TSNARE1: variants seen among roughly 807,000 people sequenced by gnomAD.
TSNARE1 encodes the protein t-SNARE domain containing 1.
A neutral mutation model predicts 62.0 loss-of-function variants in TSNARE1; 49 were observed. The ratio of observed to expected loss-of-function variants is 0.79; its 90% CI spans 0.63 to 1.00. TSNARE1 has a LOEUF of 1.00. TSNARE1 is among the 50% of genes least tolerant of loss of function. TSNARE1 has a pLI of 0.00. For synonymous variants in TSNARE1, 328 were observed against 294.4 expected, an observed-to-expected ratio of 1.11 and a Z score of -1.17; for missense variants, 755 against 700.1, an observed-to-expected ratio of 1.08 and a Z score of -0.88.
intron 1 of TSNARE1, among the ~76,000 whole-genome samples, chr8:142,392,534 C>T (rs922850524): frequency 6.6e-6 from 1 of 152,336 alleles, no homozygotes; most frequent in African/African-American, 2.4e-5. Flanking sequence ...CAGGACATCA[C>T]CAGGTGACGG....
chr8:142,369,425 A>C (rs533049985), intron 1 of TSNARE1, among the ~76,000 whole-genome samples: 1 of 152,352 alleles, frequency 6.6e-6, no homozygotes, highest in Admixed American at 6.5e-5. Context: ...AATTGAAGTC[A>C]AAATCAATCA....
upstream of TSNARE1, chr8:142,403,356 T>A (rs1030727142): frequency 2.6e-5 from 4 of 151,902 alleles, no homozygotes; most frequent in African/African-American, 9.7e-5. Flanking sequence ...GCGAGTCGGC[T>A]GTCCTCACTT....
chr8:142,256,241 TCAC>T (rs1818537863), intron 12 of TSNARE1, among the ~76,000 whole-genome samples: 1 of 42,180 alleles, frequency 2.4e-5, no homozygotes, highest in Non-Finnish European at 4.8e-5. Flanking sequence ...ACCACCACCA[TCAC>T]CATCACCATC....
At chr8:142,299,122 C>T (rs1586649624) in intron 10 of TSNARE1, among the ~76,000 whole-genome samples, 1 of 152,166 alleles carries the variant, frequency 6.6e-6, no homozygotes, top group African/African-American at 2.4e-5. Context: ...ACAGAGGAGG[C>T]GGGGGCCCCA....
At chr8:142,280,601 G>C (rs190142804) in intron 11 of TSNARE1, among the ~76,000 whole-genome samples, 249 of 152,294 alleles carry the variant, frequency 1.6e-3, no homozygotes, top group African/African-American at 5.8e-3. Flanking sequence ...CCCCACGACT[G>C]CTCCCTTCCC....
intron 7 of TSNARE1, among the ~76,000 whole-genome samples, chr8:142,317,832 C>A (rs1234548087): frequency 1.3e-5 from 2 of 152,174 alleles, no homozygotes; most frequent in African/African-American, 4.8e-5. Context: ...GTGACGGGCG[C>A]CTGTAATCTC....
intron 1 of TSNARE1, among the ~76,000 whole-genome samples, chr8:142,363,242 C>A (rs1360982808): frequency 6.6e-6 from 1 of 152,158 alleles, no homozygotes; most frequent in East Asian, 1.9e-4. Flanking sequence ...GTGAGGAAAG[C>A]GGGGAGCCTC....
At chr8:142,314,212 G>T (rs1390361507) in intron 9 of TSNARE1, among the ~76,000 whole-genome samples, 172 bp downstream of exon 9, 1 of 152,248 alleles carries the variant, frequency 6.6e-6, no homozygotes, top group South Asian at 2.1e-4. Flanking sequence ...GTCAGGCACT[G>T]TGCCAGGGCC....
chr8:142,395,579 G>A (rs780625624), intron 1 of TSNARE1, among the ~76,000 whole-genome samples: 13 of 151,886 alleles, frequency 8.6e-5, no homozygotes, highest in South Asian at 2.1e-4. Flanking sequence ...GCCAGGGGGC[G>A]GCACCGCCGG....
Position 142,403,088 on chromosome 8 carries a change from A to ACCGCCG in TSNARE1, c.-40+10_-40+15dup, listed in dbSNP as rs1286947163. 6.8e-6 allele frequency: 1 copy of ACCGCCG among 146,414 alleles called. No homozygotes were observed. The highest frequency in any genetic ancestry group is 2.0e-4 in the East Asian group (1 of 5,006). The allele number at this position is 146,414 out of a possible 1,614,324, so 9.1% of individuals were successfully genotyped here. On this transcript the variant is annotated intron_variant, in intron 1 of 13. Transcript: ENST00000524325. ...CCGGCCCCGGCCAGGCCCCAGCCCC[A>ACCGCCG]CCGCCGCCGCCTCACCTGGGCCTCG...
At chr8:142,248,477 T>C (rs1818000243) in intron 12 of TSNARE1, among the ~76,000 whole-genome samples, 1 of 151,938 alleles carries the variant, frequency 6.6e-6, no homozygotes, top group South Asian at 2.1e-4. Context: ...TAAAGATTGC[T>C]CTTGCCTCAC....
intron 1 of TSNARE1, chr8:142,402,840 G>T (rs1047842271): frequency 6.6e-6 from 1 of 152,232 alleles, no homozygotes; most frequent in Non-Finnish European, 1.5e-5. Context: ...ATGTGCCCGC[G>T]GGCCGGTCCC....
chr8:142,378,276 C>A (rs182090930), intron 1 of TSNARE1, among the ~76,000 whole-genome samples: 40 of 152,280 alleles, frequency 2.6e-4, no homozygotes, highest in Admixed American at 6.5e-4. Flanking sequence ...AGCAGCCAGG[C>A]CAAAGAGAGT....
rs933756287 is a variant in TSNARE1 at position 142,212,311 on chromosome 8, A to C, written c.*14T>G. ...CAGCCAGCTGACGGTTCAGCGGCCG[A>C]TGCTGCAGATGAGAAAGTGGAGGCT... On this transcript the variant is annotated splice_region_variant and 3_prime_UTR_variant, in exon 14 of 14. Transcript: ENST00000524325. The C allele has an allele frequency of 1.3e-5, 2 of 152,188 alleles. No homozygotes were observed. The highest frequency in any genetic ancestry group is 4.8e-5 in the African/African-American group (2 of 41,434). 9.4% of individuals were successfully genotyped at this position (152,188 alleles called of 1,614,324 possible). A position where few individuals can be genotyped will look rare whatever the true frequency, so the allele number is the denominator to read the frequency against.
Position 142,345,897 on chromosome 8 carries a change from G to T in TSNARE1, c.89-5C>A. ...CGGTCCAACATCTAGCGCACTCTAC[G>T]GACAGCAAGGGACAGTCACGATTAC... On this transcript the variant is annotated splice_region_variant and splice_polypyrimidine_tract_variant and intron_variant, in intron 2 of 13. Transcript: ENST00000524325. The T allele has an allele frequency of 6.2e-7, 1 of 1,611,298 alleles. No individual in the cohort carries two copies. Among genetic ancestry groups the T allele is most frequent in the South Asian group, 1.1e-5 (1 of 90,686 alleles).
intron 12 of TSNARE1, among the ~76,000 whole-genome samples, chr8:142,230,884 G>A (rs1242566888): frequency 8.1e-6 from 1 of 123,510 alleles, no homozygotes; most frequent in Non-Finnish European, 1.7e-5. Flanking sequence ...ATCCATCCAT[G>A]AGCCCACTCA....
chr8:142,255,856 A>ACG lies in TSNARE1; in HGVS notation c.1446+18924_1446+18925insCG, dbSNP rs1463599170. The stretch of plus-strand genomic sequence containing the variant: ...CACCACCACCACCATCACCACCACC[A>ACG]TCACCATCACCACCATCATCACCAT... On this transcript the variant is annotated intron_variant, in intron 12 of 13. Transcript: ENST00000524325. Among the ~76,000 whole-genome samples, 394 of 61,732 alleles carry ACG rather than the reference A, an allele frequency of 6.4e-3. 1 individual carries two copies. Among genetic ancestry groups the ACG allele is most frequent in the Middle Eastern group, 0.011 (1 of 92 alleles). 40.5% of individuals were successfully genotyped at this position (61,732 alleles called of 152,430 possible).
At chr8:142,244,572 A>T (rs1398556206) in intron 12 of TSNARE1, among the ~76,000 whole-genome samples, 2 of 152,234 alleles carry the variant, frequency 1.3e-5, no homozygotes, top group African/African-American at 4.8e-5. Context: ...TGCAATGCCA[A>T]TAAGAATGCT....
At chr8:142,341,946 T>C (rs1004659474) in intron 4 of TSNARE1, among the ~76,000 whole-genome samples, 3 of 152,156 alleles carry the variant, frequency 2.0e-5, no homozygotes, top group African/African-American at 7.2e-5. Flanking sequence ...CCACAGCCCA[T>C]GACAGCAGTG....
Sources: allele counts gnomAD v4.1 joint callset (sites outside exome capture counted in the v4.1 genomes callset), GRCh38; gene constraint gnomAD v4.1.1; transcripts MANE v1.5; gene names NCBI Gene and HGNC (gene_info 2026-07-23, HGNC 2026-07-21).